The following UBE2QL1 variants were observed in gnomAD, a reference collection of about 807,000 sequenced individuals.
The protein encoded by UBE2QL1 is ubiquitin-conjugating enzyme E2Q-like protein 1.
Under a neutral mutation model 12.6 loss-of-function variants are expected in UBE2QL1, and 5 were observed. That is an observed-to-expected ratio of 0.40 (90% CI 0.21 to 0.83). The LOEUF is 0.83. UBE2QL1 is among the 40% of genes least tolerant of loss of function. The pLI, the probability that UBE2QL1 is intolerant of heterozygous loss-of-function variation, is 0.37. For missense variants in UBE2QL1, 99 were observed against 222.6 expected (o/e 0.44, Z 3.53); for synonymous variants, 96 against 94.5 (o/e 1.02, Z -0.10).
chr5:6,454,070 TA>T (rs1739468116), intron 1 of UBE2QL1, among the ~76,000 whole-genome samples: 2 of 152,084 alleles, frequency 1.3e-5, no homozygotes, highest in Admixed American at 1.3e-4. Flanking sequence ...TTTGTAGAGA[TA>T]GGGGTCTCAC....
chr5:6,476,318 C>T lies in UBE2QL1; in HGVS notation c.355-14900C>T, dbSNP rs1163159936. Among the ~76,000 whole-genome samples the T allele has an allele frequency of 6.6e-6, 1 of 152,222 alleles. No individual in the cohort carries two copies. Among genetic ancestry groups the T allele is most frequent in the Non-Finnish European group, 1.5e-5 (1 of 68,044 alleles). On this transcript the variant is annotated intron_variant, in intron 1 of 1. Transcript: ENST00000399816. The surrounding 1 kb of genome is among the most constrained non-coding windows in gnomAD (Gnocchi z 4.9). ...CGCGGTGCCCTCAGGGCAAATGCAC[C>T]AAGCATGGTTCCAGCTTATTTTGAG...
At chr5:6,488,782 T>G in intron 1 of UBE2QL1, among the ~76,000 whole-genome samples, 1 of 148,028 alleles carries the variant, frequency 6.8e-6, no homozygotes, top group Non-Finnish European at 1.5e-5. Context: ...TCTGGATGGA[T>G]GACAGAGTGA....
At chr5:6,473,068 A>T (rs1284741378) in intron 1 of UBE2QL1, among the ~76,000 whole-genome samples, 1 of 152,124 alleles carries the variant, frequency 6.6e-6, no homozygotes, top group Non-Finnish European at 1.5e-5. Flanking sequence ...ATGTAAATAC[A>T]ATTCTCTCTT....
rs1166998889 is a variant in UBE2QL1, at chr5:6,491,249, A to G, written c.386A>G (p.Lys129Arg). The change falls in exon 2 of 2, where the codon AAA (lysine) becomes AGA (arginine). Residue 129 changes from lysine to arginine, a missense_variant. Transcript: ENST00000399816. ...GRICRKAGKS[K>R]KSFSRKEAEA... ...ATCTGTAGAAAAGCTGGCAAATCAA[A>G]AAAGTCCTTCAGTCGCAAGGAAGCT... 6.4e-7 allele frequency: 1 copy of G among 1,551,386 alleles called. No individual in the cohort carries two copies. The highest frequency in any genetic ancestry group is 8.7e-7 in the Non-Finnish European group (1 of 1,146,886).
intron 1 of UBE2QL1, among the ~76,000 whole-genome samples, chr5:6,452,454 A>G (rs1269804752): frequency 6.6e-6 from 1 of 151,580 alleles, no homozygotes; most frequent in Admixed American, 6.6e-5. Context: ...TTTTTAGGTA[A>G]CTCTTAGTTT....
rs1406302558 is a variant in UBE2QL1, at chr5:6,481,123, C to T, written c.355-10095C>T. ...CTGTTTTTCAAGAGTTGGCCCGGAG[C>T]GTGCTTCTCGGGCCATTTCACCTGT... On this transcript the variant is annotated intron_variant, in intron 1 of 1. Coordinates refer to ENST00000399816, the MANE Select transcript of UBE2QL1 (RefSeq NM_001145161.3). This position sits in a 1 kb window ranked among gnomAD's most constrained non-coding sequence, Gnocchi z 4.5. 1.3e-5 allele frequency among the ~76,000 whole-genome samples: 2 copies of T among 152,174 alleles called. No individual in the cohort carries two copies. The highest frequency in any genetic ancestry group is 2.9e-5 in the Non-Finnish European group (2 of 68,024).
chr5:6,467,445 C>A (rs1395994314), intron 1 of UBE2QL1, among the ~76,000 whole-genome samples: 1 of 152,132 alleles, frequency 6.6e-6, no homozygotes, highest in Non-Finnish European at 1.5e-5. Context: ...GGATCTGTCT[C>A]CTCTACGTGT....
chr5:6,472,938 C>T (rs1421621380), intron 1 of UBE2QL1, among the ~76,000 whole-genome samples: 1 of 152,202 alleles, frequency 6.6e-6, no homozygotes, highest in Non-Finnish European at 1.5e-5. Flanking sequence ...TCCATGTGAG[C>T]TGCCAGGTAG....
Position 6,491,924 on chromosome 5 carries a change from AAC to A in UBE2QL1, c.*579_*580del, listed in dbSNP as rs1352958666. 1 of 152,230 alleles carries A rather than the reference AAC, an allele frequency of 6.6e-6. No individual in the cohort carries two copies. The highest frequency in any genetic ancestry group is 2.4e-5 in the African/African-American group (1 of 41,454). 9.4% of individuals were successfully genotyped at this position (152,230 alleles called of 1,614,324 possible). On this transcript the variant is annotated 3_prime_UTR_variant, in exon 2 of 2. Transcript: ENST00000399816. ...TGTGCTATGACCTTTGGCTCATGAA[AAC>A]ACAAATTTAACATTGCCAGGTTCTA...
intron 1 of UBE2QL1, among the ~76,000 whole-genome samples, chr5:6,483,957 G>A (rs537366988): frequency 6.6e-6 from 1 of 152,332 alleles, no homozygotes; most frequent in East Asian, 1.9e-4. Flanking sequence ...TGAGTCAACA[G>A]GTCTCTGGGG....
At chr5:6,453,434 C>A (rs575638042) in intron 1 of UBE2QL1, among the ~76,000 whole-genome samples, 6 of 152,164 alleles carry the variant, frequency 3.9e-5, no homozygotes, top group Admixed American at 6.5e-5. Flanking sequence ...AGCCAGCCAT[C>A]CGCAAAAGAT....
chr5:6,455,253 A>AC (rs1309590601), intron 1 of UBE2QL1, among the ~76,000 whole-genome samples: 1 of 152,116 alleles, frequency 6.6e-6, no homozygotes, highest in African/African-American at 2.4e-5. Flanking sequence ...GACACCCACA[A>AC]CCTGGTCAGT....
intron 1 of UBE2QL1, among the ~76,000 whole-genome samples, chr5:6,468,188 C>G (rs1419842836): frequency 1.3e-5 from 2 of 152,176 alleles, no homozygotes; most frequent in Non-Finnish European, 2.9e-5. Flanking sequence ...CCTTTCTCTC[C>G]TTCCTTTCCA....
At chr5:6,466,142 C>A (rs1015442475) in intron 1 of UBE2QL1, among the ~76,000 whole-genome samples, 1 of 152,092 alleles carries the variant, frequency 6.6e-6, no homozygotes, top group African/African-American at 2.4e-5. Flanking sequence ...GCAGCCACGG[C>A]GATGCAGCGC....
chr5:6,494,382 G>A lies in UBE2QL1; in HGVS notation c.*3033G>A, dbSNP rs1560939761. 6.6e-6 allele frequency: 1 copy of A among 152,166 alleles called. No homozygotes were observed. Among genetic ancestry groups the A allele is most frequent in the Non-Finnish European group, 1.5e-5 (1 of 68,040 alleles). The allele number at this position is 152,166 out of a possible 1,614,324, so 9.4% of individuals were successfully genotyped here. ...AAATCCACTACTCAGAAAAACCAGG[G>A]TGTCGGCTTAAAGTTTTCAGCTCCA... On this transcript the variant is annotated 3_prime_UTR_variant, in exon 2 of 2. Transcript: ENST00000399816.
intron 1 of UBE2QL1, among the ~76,000 whole-genome samples, chr5:6,470,030 C>T (rs550311598): frequency 6.5e-4 from 99 of 152,244 alleles, no homozygotes; most frequent in African/African-American, 2.2e-3. Flanking sequence ...ATGCCGGGGC[C>T]GCAGTGTTCA....
chr5:6,473,887 A>G (rs1734155360), intron 1 of UBE2QL1, among the ~76,000 whole-genome samples: 1 of 152,166 alleles, frequency 6.6e-6, no homozygotes, highest in African/African-American at 2.4e-5. Flanking sequence ...AAATGTCACC[A>G]AATATACCTG....
chr5:6,461,540 A>ACCCCCCCCCCC (rs71606052), intron 1 of UBE2QL1, among the ~76,000 whole-genome samples: 38 of 46,822 alleles, frequency 8.1e-4, no homozygotes, highest in East Asian at 2.5e-3. Context: ...TTCAGCACCC[A>ACCCCCCCCCCC]CCACCCCCCC....
At chr5:6,465,912 T>G (rs1175783919) in intron 1 of UBE2QL1, among the ~76,000 whole-genome samples, 1 of 152,118 alleles carries the variant, frequency 6.6e-6, no homozygotes, top group Non-Finnish European at 1.5e-5. Context: ...GTTTCCACTT[T>G]CTCCTCTCAG....
Sources: allele counts gnomAD v4.1 joint callset (sites outside exome capture counted in the v4.1 genomes callset), GRCh38; gene constraint gnomAD v4.1.1; non-coding constraint Gnocchi (gnomAD v3.1); transcripts MANE v1.5; gene names NCBI Gene and HGNC (gene_info 2026-07-23, HGNC 2026-07-21).